Variants in FBXO31 observed in about 807,000 individuals in gnomAD.
FBXO31 encodes the protein F-box protein 31.
Under a neutral mutation model 54.4 loss-of-function variants are expected in FBXO31, and 24 were observed. The observed-to-expected ratio is 0.44, with a 90% CI of 0.32 to 0.62. The LOEUF (loss-of-function observed/expected upper bound fraction) is 0.62, where lower values mean the gene tolerates loss of function less well. Among genes scored for constraint, FBXO31 ranks in the 20% least tolerant of loss-of-function variants. FBXO31 has a pLI of 0.05. For synonymous variants in FBXO31, 388 were observed against 335.6 expected (o/e 1.16, Z -1.71); for missense variants, 665 against 787.1 (o/e 0.84, Z 1.86).
rs1906458016 is a variant in FBXO31, at chr16:87,368,440, A to T, written c.341-8074T>A. On this transcript the variant is annotated intron_variant, in intron 1 of 8. Transcript: ENST00000311635. Reference sequence around the variant, plus strand: ...TCTCAGGCCAGTGTCCTTTCCAGCAACTATGCACCCTTCCTTCCAGAAAGA... The same window carrying T: ...TCTCAGGCCAGTGTCCTTTCCAGCATCTATGCACCCTTCCTTCCAGAAAGA... Among the ~76,000 whole-genome samples, 3 of 152,150 alleles carry T rather than the reference A, an allele frequency of 2.0e-5. No individual in the cohort carries two copies. In the South Asian group the frequency reaches 6.2e-4, roughly 32 times the overall value.
chr16:87,359,172 A>G (rs1906025872), intron 2 of FBXO31, among the ~76,000 whole-genome samples: 1 of 152,378 alleles, frequency 6.6e-6, no homozygotes, highest in East Asian at 1.9e-4. Flanking sequence ...GAAACAGATC[A>G]TGTGAATTCT....
At chr16:87,385,662 G>A (rs1395270542), upstream of FBXO31, among the ~76,000 whole-genome samples, 1 of 152,122 alleles carries the variant, frequency 6.6e-6, no homozygotes, top group Non-Finnish European at 1.5e-5. Flanking sequence ...TAAATCAAAG[G>A]AAAATTTGGA....
intron 2 of FBXO31, among the ~76,000 whole-genome samples, chr16:87,347,917 A>C (rs1293760576): frequency 6.6e-6 from 1 of 152,192 alleles, no homozygotes; most frequent in African/African-American, 2.4e-5. Flanking sequence ...AGATCTTTAA[A>C]GCTATCCCAA....
chr16:87,352,953 G>T (rs1905729795), intron 2 of FBXO31, among the ~76,000 whole-genome samples: 1 of 152,232 alleles, frequency 6.6e-6, no homozygotes, highest in African/African-American at 2.4e-5. Context: ...CGTGCCACAG[G>T]TGGGCTCCAT....
intron 2 of FBXO31, among the ~76,000 whole-genome samples, chr16:87,356,759 T>C (rs1019325274): frequency 3.3e-5 from 5 of 152,164 alleles, no homozygotes; most frequent in African/African-American, 1.2e-4. Flanking sequence ...TTTATGAAAC[T>C]TAAGATGTAG....
Position 87,333,984 on chromosome 16 carries a change from C to G in FBXO31, c.1299G>C (p.Ala433=), listed in dbSNP as rs112899975. 6.2e-7 allele frequency: 1 copy of G among 1,612,836 alleles called. No homozygotes were observed. The highest frequency in any genetic ancestry group is 1.1e-5 in the South Asian group (1 of 91,070). The change falls in exon 8 of 9, where the codon GCG becomes GCC. Residue 433 remains alanine, a synonymous_variant. Transcript: ENST00000311635. ...DGGEPGDAVA[A]AEQPAQCGQG... ...GCCCACACTGGGCAGGCTGCTCGGCCGCAGCTACGGCATCCCCAGGCTCGC... is the reference window on the plus strand; with the variant it reads ...GCCCACACTGGGCAGGCTGCTCGGCGGCAGCTACGGCATCCCCAGGCTCGC...
intron 2 of FBXO31, among the ~76,000 whole-genome samples, chr16:87,350,890 C>A (rs1905623835): frequency 6.6e-6 from 1 of 152,184 alleles, no homozygotes; most frequent in Non-Finnish European, 1.5e-5. Flanking sequence ...AATAAAAACC[C>A]AGCAGCCTGC....
At chr16:87,343,859 A>G (rs1567616759) in intron 3 of FBXO31, 94 bp from the exon 4 acceptor site, 12 of 1,359,140 alleles carry the variant, frequency 8.8e-6, no homozygotes, top group Non-Finnish European at 1.2e-5. Flanking sequence ...GGCACAGAGA[A>G]GCTCCTGCCA....
At chr16:87,366,494 C>T (rs759914036) in intron 1 of FBXO31, among the ~76,000 whole-genome samples, 1 of 152,142 alleles carries the variant, frequency 6.6e-6, no homozygotes, top group African/African-American at 2.4e-5. Flanking sequence ...GGCCTGGAAA[C>T]GCCCAGAGTG....
In FBXO31 at chr16:87,336,191, A is replaced by T. The variant is rs1330683196; in HGVS notation, c.806T>A (p.Leu269His). Residue 269 changes from leucine to histidine, a missense_variant, in exon 6 of 9, where the codon CTC becomes CAC. By Grantham distance (99) the Leu-to-His change is moderately conservative. Coordinates refer to ENST00000311635, the MANE Select transcript of FBXO31 (RefSeq NM_024735.5). This position sits in a 1 kb window ranked among gnomAD's most constrained non-coding sequence, Gnocchi z 6.5. ...EDIFHEHMQELILMKFIYTSQ... is the reference protein window; with the variant it reads ...EDIFHEHMQEHILMKFIYTSQ... Reference sequence around the variant, plus strand: ...GGTGTAGATGAACTTCATCAGGATGAGCTCCTGCATGTGCTCGTGGAAGAT... The same window carrying T: ...GGTGTAGATGAACTTCATCAGGATGTGCTCCTGCATGTGCTCGTGGAAGAT... 1.9e-6 allele frequency: 3 copies of T among 1,613,578 alleles called. No homozygotes were observed. The highest frequency in any genetic ancestry group is 1.1e-5 in the South Asian group (1 of 91,054).
chr16:87,347,345 T>G (rs1567618289), intron 2 of FBXO31, 95 bp from the exon 3 acceptor site: 2 of 1,040,222 alleles, frequency 1.9e-6, no homozygotes, highest in Non-Finnish European at 3.0e-6. Context: ...CCATGAGGAC[T>G]CACAAAAGGC....
intron 3 of FBXO31, 133 bp downstream of exon 3, chr16:87,347,041 G>C: frequency 1.3e-6 from 1 of 799,318 alleles, no homozygotes; most frequent in African/African-American, 1.7e-5. Flanking sequence ...GACAGAGCAA[G>C]AATTTTTTGG....
chr16:87,347,008 A>G lies in FBXO31; in HGVS notation c.489+166T>C, dbSNP rs146037731. ...TAAGCAAACCTTTGCTCATTTGGAA[A>G]ATAAAATTGGCTCCTGAAAAGTGAC... On this transcript the variant is annotated intron_variant, in intron 3 of 8. Transcript: ENST00000311635. 2.2e-4 allele frequency among the ~76,000 whole-genome samples: 34 copies of G among 152,354 alleles called. No individual in the cohort carries two copies. The East Asian group carries it at 6.0e-3, about 27-fold the overall frequency.
At chr16:87,344,183 G>A (rs1307121679) in intron 3 of FBXO31, among the ~76,000 whole-genome samples, 1 of 152,264 alleles carries the variant, frequency 6.6e-6, no homozygotes, top group African/African-American at 2.4e-5. Context: ...ACTTTTGTCA[G>A]GTGTGGCAGT....
intron 2 of FBXO31, among the ~76,000 whole-genome samples, chr16:87,349,483 AAGGCAGATGGATCACG>A (rs1030433998): frequency 6.6e-6 from 1 of 152,182 alleles, no homozygotes; most frequent in Non-Finnish European, 1.5e-5. Flanking sequence ...TTGAGAGGCC[AAGGCAGATGGATCACG>A]AGGAGTTCGA....
chr16:87,342,919 G>A lies in FBXO31; in HGVS notation c.690C>T (p.Cys230=). 1.2e-6 allele frequency: 2 copies of A among 1,608,504 alleles called. No homozygotes were observed. The highest frequency in any genetic ancestry group is 1.1e-5 in the South Asian group (1 of 89,422). The change falls in exon 5 of 9, where the codon TGC becomes TGT. Residue 230 remains cysteine (C), a synonymous_variant. Coordinates refer to ENST00000311635, the MANE Select transcript of FBXO31 (RefSeq NM_024735.5). ...ACATCCTGTGGTGGTCCGTCTGGTT[G>A]CACTTGGTGGAGAACTCATCCTTCT... is the stretch of plus-strand genomic sequence containing the variant. ...IVKKDEFSTK[C]NQTDHHRMSG...
At position 87,337,449 on chromosome 16, in the gene FBXO31, A is replaced by T. The variant is rs1358592140; in HGVS notation, c.733-1185T>A. Among the ~76,000 whole-genome samples the T allele has an allele frequency of 3.9e-5, 6 of 152,320 alleles. No homozygotes were observed. In the East Asian group the frequency reaches 5.8e-4, roughly 15 times the overall value. On this transcript the variant is annotated intron_variant, in intron 5 of 8. Coordinates refer to ENST00000311635, the MANE Select transcript of FBXO31 (RefSeq NM_024735.5). Reference sequence around the variant, plus strand: ...TGGACTCGCCAAGTCTGAAATTCCTACGGAAAAGCAAAGAACTGGGACAGA... The same window carrying T: ...TGGACTCGCCAAGTCTGAAATTCCTTCGGAAAAGCAAAGAACTGGGACAGA...
intron 5 of FBXO31, among the ~76,000 whole-genome samples, chr16:87,342,637 G>A (rs1002222386): frequency 6.6e-5 from 10 of 152,322 alleles, no homozygotes; most frequent in East Asian, 3.9e-4. Flanking sequence ...CTGAAGAAAC[G>A]GCCTGTGTGG....
chr16:87,332,522 A>G (rs916109364), intron 8 of FBXO31, among the ~76,000 whole-genome samples: 1 of 152,250 alleles, frequency 6.6e-6, no homozygotes, highest in Non-Finnish European at 1.5e-5. Flanking sequence ...TCAAACATTT[A>G]TATTAGCGAA....
Sources: allele counts gnomAD v4.1 joint callset (sites outside exome capture counted in the v4.1 genomes callset), GRCh38; gene constraint gnomAD v4.1.1; non-coding constraint Gnocchi (gnomAD v3.1); transcripts MANE v1.5; gene names NCBI Gene and HGNC (gene_info 2026-07-23, HGNC 2026-07-21).